The following GABRB2 variants were observed in gnomAD, a reference collection of about 807,000 sequenced individuals.
GABRB2 encodes gamma-aminobutyric acid receptor subunit beta-2.
A neutral mutation model predicts 54.7 loss-of-function variants in GABRB2; 16 were observed. That is an observed-to-expected ratio of 0.29 (90% CI 0.20 to 0.44). The LOEUF (loss-of-function observed/expected upper bound fraction) is 0.44. Among genes scored for constraint, GABRB2 ranks in the 20% least tolerant of loss-of-function variants. The pLI is 1.00. For missense variants in GABRB2, 355 were observed against 644.0 expected (o/e 0.55, Z 4.86); for synonymous variants, 244 against 233.8 (o/e 1.04, Z -0.40).
chr5:161,368,273 T>C (rs1277609031), intron 5 of GABRB2, among the ~76,000 whole-genome samples: 3 of 152,130 alleles, frequency 2.0e-5, no homozygotes, highest in Non-Finnish European at 2.9e-5. Context: ...CAATATTTTT[T>C]CTGAAATTAA....
chr5:161,314,592 A>G (rs1757969775), intron 9 of GABRB2, among the ~76,000 whole-genome samples: 1 of 152,164 alleles, frequency 6.6e-6, no homozygotes, highest in South Asian at 2.1e-4. Context: ...AAATAATTGA[A>G]TATAATAATA....
intron 4 of GABRB2, among the ~76,000 whole-genome samples, chr5:161,451,267 G>A (rs1026421130): frequency 1.3e-5 from 2 of 152,148 alleles, no homozygotes; most frequent in African/African-American, 4.8e-5. Context: ...TTAAGAATGT[G>A]AGCATTTAAT....
At chr5:161,374,798 C>A (rs1269570021) in intron 5 of GABRB2, among the ~76,000 whole-genome samples, 2 of 152,150 alleles carry the variant, frequency 1.3e-5, no homozygotes, top group Admixed American at 1.3e-4. Context: ...CATAACTATA[C>A]ACCACATTAT....
At chr5:161,393,410 C>A (rs1755897614) in intron 5 of GABRB2, among the ~76,000 whole-genome samples, 1 of 141,366 alleles carries the variant, frequency 7.1e-6, no homozygotes, top group Non-Finnish European at 1.5e-5. Flanking sequence ...TGGCTTATGA[C>A]TCATAGTTTG....
At chr5:161,351,993 C>T (rs1451492536) in intron 5 of GABRB2, among the ~76,000 whole-genome samples, 2 of 151,862 alleles carry the variant, frequency 1.3e-5, no homozygotes, top group Non-Finnish European at 2.9e-5. Flanking sequence ...AAATTAAAAC[C>T]ACAGTGAGAT....
intron 9 of GABRB2, among the ~76,000 whole-genome samples, chr5:161,297,469 T>C (rs1252530567): frequency 6.6e-6 from 1 of 152,072 alleles, no homozygotes; most frequent in Non-Finnish European, 1.5e-5. Flanking sequence ...TGTGTGATGT[T>C]CCCTTCCCTG....
intron 5 of GABRB2, among the ~76,000 whole-genome samples, chr5:161,380,548 G>C (rs1755433845): frequency 6.6e-6 from 1 of 152,008 alleles, no homozygotes; most frequent in Non-Finnish European, 1.5e-5. Context: ...TCTGACAGTT[G>C]AGGGGAATGA....
Position 161,413,482 on chromosome 5 carries a change from C to T in GABRB2, c.459-2425G>A, listed in dbSNP as rs927809367. Among the ~76,000 whole-genome samples the T allele has an allele frequency of 2.6e-5, 4 of 152,212 alleles. No individual in the cohort carries two copies. In the East Asian group the frequency reaches 5.8e-4, roughly 22 times the overall value. On this transcript the variant is annotated intron_variant, in intron 4 of 9. Transcript: ENST00000393959. ...AGTTACATTCGCATTTTATTGTTCA[C>T]TCAAGGTCAAAAAATTATAACTTAT...
intron 4 of GABRB2, among the ~76,000 whole-genome samples, chr5:161,416,797 A>G (rs1225031127): frequency 6.6e-6 from 1 of 151,666 alleles, no homozygotes; most frequent in Non-Finnish European, 1.5e-5. Flanking sequence ...CTTTGCTCAA[A>G]ATGTGCATTT....
At chr5:161,467,059 T>A (rs530696092) in intron 3 of GABRB2, among the ~76,000 whole-genome samples, 1 of 152,226 alleles carries the variant, frequency 6.6e-6, no homozygotes, top group African/African-American at 2.4e-5. Flanking sequence ...TAAAGTTTAT[T>A]TTCATCAGTG....
chr5:161,316,092 G>A (rs552563615), intron 9 of GABRB2, among the ~76,000 whole-genome samples: 1 of 152,298 alleles, frequency 6.6e-6, no homozygotes, highest in Admixed American at 6.5e-5. Flanking sequence ...TAATGAGACT[G>A]ATGAAATGCA....
In GABRB2 at chr5:161,374,397, A is replaced by G. The variant is rs569945591; in HGVS notation, c.541+36578T>C. 3.3e-5 allele frequency among the ~76,000 whole-genome samples: 5 copies of G among 152,294 alleles called. No homozygotes were observed. In the East Asian group the frequency reaches 7.7e-4, roughly 24 times the overall value. On this transcript the variant is annotated intron_variant, in intron 5 of 9. Transcript: ENST00000393959. Reference sequence around the variant, plus strand: ...CTCACATAATGGTCCCTACTTGTAAATGAAACATCCTTTCAATTATTCATC... The same window carrying G: ...CTCACATAATGGTCCCTACTTGTAAGTGAAACATCCTTTCAATTATTCATC...
intron 4 of GABRB2, among the ~76,000 whole-genome samples, chr5:161,412,390 C>A (rs1325003527): frequency 6.6e-6 from 1 of 152,162 alleles, no homozygotes; most frequent in Admixed American, 6.5e-5. Context: ...GTTGGCTCTG[C>A]TGCACCGATT....
At chr5:161,523,425 A>G (rs1162305481) in intron 3 of GABRB2, among the ~76,000 whole-genome samples, 1 of 151,516 alleles carries the variant, frequency 6.6e-6, no homozygotes, top group Non-Finnish European at 1.5e-5. Context: ...AAGACATTCA[A>G]TATTAAAAGA....
At chr5:161,308,259 T>C (rs1228666648) in intron 9 of GABRB2, among the ~76,000 whole-genome samples, 1 of 152,196 alleles carries the variant, frequency 6.6e-6, no homozygotes, top group Non-Finnish European at 1.5e-5. Context: ...ACCCCCTGTT[T>C]AGGTGTAGGC....
intron 8 of GABRB2, chr5:161,327,041 GACACACACAC>G (rs150178203): frequency 1.3e-4 from 66 of 495,778 alleles, no homozygotes; most frequent in East Asian, 3.3e-4. Flanking sequence ...ATTCCATTAG[GACACACACAC>G]ACACACACAC....
chr5:161,540,617 C>T (rs1760779738), intron 3 of GABRB2, among the ~76,000 whole-genome samples: 2 of 152,182 alleles, frequency 1.3e-5, no homozygotes, highest in East Asian at 1.9e-4. Flanking sequence ...GAATCACTGC[C>T]TATGGTAACT....
chr5:161,512,059 C>G (rs1264202491), intron 3 of GABRB2, among the ~76,000 whole-genome samples: 1 of 151,738 alleles, frequency 6.6e-6, no homozygotes, highest in African/African-American at 2.4e-5. Flanking sequence ...AAAGCTCTAC[C>G]CCTCGAATCT....
At position 161,451,847 on chromosome 5, in the gene GABRB2, A is replaced by T. The variant is rs536476257; in HGVS notation, c.458+7777T>A. ...TTTAAAAGAAAAATACTTTAAAGGC[A>T]TATACAGCAAGACCAAGGTGGTGGT... is the stretch of plus-strand genomic sequence containing the variant. On this transcript the variant is annotated intron_variant, in intron 4 of 9. Transcript: ENST00000393959. 2.6e-5 allele frequency among the ~76,000 whole-genome samples: 4 copies of T among 152,310 alleles called. No homozygotes were observed. The East Asian group carries it at 7.7e-4, about 29-fold the overall frequency.
Sources: allele counts gnomAD v4.1 joint callset (sites outside exome capture counted in the v4.1 genomes callset), GRCh38; gene constraint gnomAD v4.1.1; transcripts MANE v1.5; gene names NCBI Gene and HGNC (gene_info 2026-07-23, HGNC 2026-07-21).